NELL1: variants seen among roughly 807,000 people sequenced by gnomAD.
NELL1 encodes the protein protein kinase C-binding protein NELL1.
In NELL1, 76 loss-of-function variants were observed where a neutral mutation model predicts 107.4. The ratio of observed to expected loss-of-function variants is 0.71; its 90% CI spans 0.59 to 0.86. The LOEUF (loss-of-function observed/expected upper bound fraction) is 0.86, where lower values mean the gene tolerates loss of function less well. Among genes scored for constraint, NELL1 ranks in the 40% least tolerant of loss-of-function variants. NELL1 has a pLI of 0.00. For missense variants in NELL1, 1,024 were observed against 1,005.5 expected, an observed-to-expected ratio of 1.02 and a Z score of -0.25; for synonymous variants, 353 against 341.2, an observed-to-expected ratio of 1.03 and a Z score of -0.38.
chr11:20,786,543 G>T (rs745802310), intron 3 of NELL1, among the ~76,000 whole-genome samples: 3 of 151,836 alleles, frequency 2.0e-5, no homozygotes, highest in Non-Finnish European at 4.4e-5. Flanking sequence ...GCAGTGGAGG[G>T]TATCCAAGTT....
intron 14 of NELL1, among the ~76,000 whole-genome samples, chr11:21,351,593 C>G (rs568973143): frequency 1.8e-4 from 27 of 152,000 alleles, no homozygotes; most frequent in African/African-American, 6.0e-4. Context: ...GCTGCTCACC[C>G]AGTTTTGTCT....
At chr11:20,748,968 A>G (rs1856071736) in intron 2 of NELL1, among the ~76,000 whole-genome samples, 1 of 147,476 alleles carries the variant, frequency 6.8e-6, no homozygotes, top group Non-Finnish European at 1.5e-5. Flanking sequence ...ATATTTTGAC[A>G]TATATTTACT....
intron 14 of NELL1, among the ~76,000 whole-genome samples, chr11:21,252,364 G>T (rs1858661254): frequency 1.3e-5 from 2 of 152,092 alleles, no homozygotes; most frequent in East Asian, 1.9e-4. Context: ...GGTCAGGTTT[G>T]ATCCATGGAA....
chr11:21,558,333 A>G (rs922290905), intron 16 of NELL1, among the ~76,000 whole-genome samples: 4 of 151,916 alleles, frequency 2.6e-5, no homozygotes, highest in East Asian at 1.9e-4. Flanking sequence ...ATATATATTT[A>G]TGGTGTACAA....
At chr11:21,523,756 C>T (rs1855783782) in intron 15 of NELL1, among the ~76,000 whole-genome samples, 1 of 152,042 alleles carries the variant, frequency 6.6e-6, no homozygotes, top group Non-Finnish European at 1.5e-5. Context: ...CTTCCTTCTA[C>T]CATGGCCTGG....
chr11:21,140,654 A>AT (rs1455383110), intron 13 of NELL1, among the ~76,000 whole-genome samples: 5 of 152,140 alleles, frequency 3.3e-5, no homozygotes, highest in Non-Finnish European at 7.4e-5. Flanking sequence ...CCAATTATAT[A>AT]TTTTTTGTTT....
chr11:21,476,944 G>C (rs895656558), intron 15 of NELL1, among the ~76,000 whole-genome samples: 1 of 152,130 alleles, frequency 6.6e-6, no homozygotes, highest in South Asian at 2.1e-4. Flanking sequence ...CATCCCAGCA[G>C]TCAGAACCTG....
At chr11:20,815,958 GA>G (rs1167037162) in intron 3 of NELL1, among the ~76,000 whole-genome samples, 6 of 152,022 alleles carry the variant, frequency 3.9e-5, no homozygotes, top group Non-Finnish European at 8.8e-5. Context: ...AAGATCAGAT[GA>G]TTGTAGGTGT....
intron 4 of NELL1, among the ~76,000 whole-genome samples, chr11:20,868,366 G>A (rs562951642): frequency 1.3e-5 from 2 of 152,218 alleles, no homozygotes; most frequent in Admixed American, 1.3e-4. Flanking sequence ...GTAAATTAGA[G>A]GTTTTCAAGT....
At chr11:20,901,792 G>A (rs184983069) in intron 5 of NELL1, among the ~76,000 whole-genome samples, 24 of 152,224 alleles carry the variant, frequency 1.6e-4, no homozygotes, top group African/African-American at 5.8e-4. Context: ...TGACCCTTTC[G>A]TCATGTGTGG....
chr11:21,232,159 A>AAAAT (rs1554985116), intron 14 of NELL1, among the ~76,000 whole-genome samples: 16 of 73,208 alleles, frequency 2.2e-4, no homozygotes, highest in African/African-American at 8.3e-4. Flanking sequence ...AAAAAAAAAA[A>AAAAT]ATATATATAT....
chr11:21,249,065 CT>C (rs1357923778), intron 14 of NELL1, among the ~76,000 whole-genome samples: 1 of 152,092 alleles, frequency 6.6e-6, no homozygotes. Context: ...GGACCACCCC[CT>C]AGTTTTGCTT....
At chr11:21,187,023 G>A (rs533528976) in intron 13 of NELL1, among the ~76,000 whole-genome samples, 5 of 151,914 alleles carry the variant, frequency 3.3e-5, no homozygotes, top group African/African-American at 4.9e-5. Context: ...ATAATATTCC[G>A]CTTGACAGGA....
chr11:20,935,657 A>G (rs190548791), intron 9 of NELL1: 1 of 152,302 alleles, frequency 6.6e-6, no homozygotes, highest in East Asian at 1.9e-4. Flanking sequence ...TGACTGTTTT[A>G]TGGGGAAGGA....
chr11:21,066,969 G>GTAAA (rs10542680), intron 12 of NELL1, among the ~76,000 whole-genome samples: 2,362 of 148,506 alleles, frequency 0.016, 51 homozygotes, highest in African/African-American at 0.046. Flanking sequence ...AATTTAAAAA[G>GTAAA]TAAATAAATA....
chr11:21,085,376 A>G lies in NELL1; in HGVS notation c.1301-28213A>G, dbSNP rs1298615050. ...AGTCTGGGCACAGTGTCTCACACCT[A>G]TAATACCAGTACTTTGGGAGGCTAA... is the stretch of plus-strand genomic sequence containing the variant. On this transcript the variant is annotated intron_variant, in intron 12 of 19. Coordinates refer to ENST00000357134, the MANE Select transcript of NELL1 (RefSeq NM_006157.5). 3.9e-5 allele frequency among the ~76,000 whole-genome samples: 6 copies of G among 152,332 alleles called. No homozygotes were observed. The East Asian group carries it at 9.6e-4, about 24-fold the overall frequency.
intron 15 of NELL1, among the ~76,000 whole-genome samples, chr11:21,381,694 A>G (rs780241025): frequency 1.3e-5 from 2 of 151,730 alleles, no homozygotes; most frequent in Admixed American, 6.6e-5. Context: ...AGTTCTTACA[A>G]CCTCTCACTG....
At chr11:20,903,435 C>T (rs1460559955) in intron 5 of NELL1, among the ~76,000 whole-genome samples, 1 of 151,944 alleles carries the variant, frequency 6.6e-6, no homozygotes, top group Non-Finnish European at 1.5e-5. Flanking sequence ...ACACTTAGAC[C>T]TCCTCATTGA....
intron 9 of NELL1, among the ~76,000 whole-genome samples, chr11:20,930,074 T>C (rs1171780691): frequency 6.6e-6 from 1 of 152,142 alleles, no homozygotes; most frequent in East Asian, 1.9e-4. Context: ...CTGAATGCCA[T>C]CTCTTGAAAG....
Sources: gnomAD v4.1 joint callset for allele counts (sites outside exome capture counted in the v4.1 genomes callset) on GRCh38, gnomAD v4.1.1 for gene constraint, MANE v1.5 for transcripts, NCBI Gene and HGNC (gene_info 2026-07-23, HGNC 2026-07-21) for gene names.